The following MACF1 variants were observed in gnomAD, a reference collection of about 807,000 sequenced individuals.
The protein encoded by MACF1 is microtubule actin crosslinking factor 1, also known as microtubule-actin cross-linking factor 1.
In MACF1, 193 loss-of-function variants were observed where a neutral mutation model predicts 854.8. The ratio of observed to expected loss-of-function variants is 0.23; its 90% CI spans 0.20 to 0.25. The LOEUF is 0.25. Ranked by LOEUF, MACF1 falls within the 10% of genes least tolerant of loss-of-function variation. The probability of loss-of-function intolerance (pLI) is 1.00; values close to 1 mark genes in which losing one functional copy is unlikely to be tolerated. For synonymous variants in MACF1, 3,185 were observed against 3,226.7 expected, an observed-to-expected ratio of 0.99 and a Z score of 0.44; for missense variants, 7,722 against 8,929.1, an observed-to-expected ratio of 0.86 and a Z score of 5.45.
chr1:39,425,163 T>A (rs184001177), intron 61 of MACF1, among the ~76,000 whole-genome samples: 8 of 152,356 alleles, frequency 5.3e-5, no homozygotes, highest in Non-Finnish European at 8.8e-5. Context: ...TTTCTTTTTT[T>A]AATTTCTCCT....
intron 29 of MACF1, 28 bp from the exon 30 acceptor site, chr1:39,318,425 T>C: frequency 1.2e-6 from 2 of 1,605,830 alleles, no homozygotes; most frequent in Non-Finnish European, 1.7e-6. Flanking sequence ...CCAAGGTATC[T>C]GATAGCAGTT....
At position 39,458,485 on chromosome 1, in the gene MACF1, G is replaced by T; in HGVS notation, c.21191G>T (p.Gly7064Val). Residue 7064 changes from glycine (G) to valine (V), a missense_variant, in exon 90 of 101, where the codon GGA becomes GTA. By Grantham distance (109) the Gly-to-Val change is moderately radical. Transcript: ENST00000564288. ...CCTTTCATAGAGAAATCCCGCAGCG[G>T]AGGCAGTATGTTTCCAGCCCCCTGT... ...HAPFIEKSRS[G>V]GRKSLSQPTP... 1.2e-6 allele frequency: 2 copies of T among 1,613,138 alleles called. No individual in the cohort carries two copies. The highest frequency in any genetic ancestry group is 2.2e-5 in the South Asian group (2 of 90,964).
chr1:39,458,060 T>C (rs41270821), intron 89 of MACF1: 36,090 of 219,632 alleles, frequency 0.16, 3,664 homozygotes, highest in Non-Finnish European at 0.21. Context: ...AGTTCTCATG[T>C]GAACTAACAG....
Position 39,448,712 on chromosome 1 carries a change from TAGG to T in MACF1, c.20210_20212del (p.Gly6737del). 1 of 1,613,460 alleles carries T rather than the reference TAGG, an allele frequency of 6.2e-7. No individual in the cohort carries two copies. The highest frequency in any genetic ancestry group is 8.5e-7 in the Non-Finnish European group (1 of 1,179,594). ...GATAGTCAGAAACTTGACAATTTCCTAGGAGAAGTCAGAGACAAATGGGATACT... is the reference window on the plus strand; with the variant it reads ...GATAGTCAGAAACTTGACAATTTCCTAGAAGTCAGAGACAAATGGGATACT... On this transcript the variant is annotated inframe_deletion, in exon 84 of 101. Transcript: ENST00000564288.
intron 58 of MACF1, among the ~76,000 whole-genome samples, chr1:39,396,275 G>A (rs1242233554): frequency 6.7e-6 from 1 of 149,062 alleles, no homozygotes; most frequent in African/African-American, 2.5e-5. Flanking sequence ...AGCCGACATC[G>A]CGCCACTGCA....
intron 23 of MACF1, among the ~76,000 whole-genome samples, chr1:39,306,216 G>A (rs1028132095): frequency 8.6e-5 from 13 of 151,274 alleles, no homozygotes; most frequent in African/African-American, 2.9e-4. Context: ...CTGGAGTGCA[G>A]TGGTGCAATC....
In MACF1 at chr1:39,448,106, T is replaced by C. The variant is rs201641483; in HGVS notation, c.20042T>C (p.Ile6681Thr). 6.2e-7 allele frequency: 1 copy of C among 1,614,148 alleles called. No individual in the cohort carries two copies. Among genetic ancestry groups the C allele is most frequent in the Non-Finnish European group, 8.5e-7 (1 of 1,180,000 alleles). Residue 6681 changes from isoleucine to threonine, a missense_variant, in exon 83 of 101, where the codon ATA becomes ACA. This residue lies in a region of MACF1 where 729 missense variants were observed against 900.5 expected (regional missense o/e 0.81). Transcript: ENST00000564288. ...AGTCACCTGGACTCAGAACTAGAGA[T>C]ATCCAATGACCCAGACAAAATTAAA... is the stretch of plus-strand genomic sequence containing the variant. ...AESHLDSELE[I>T]SNDPDKIKLQ...
At position 39,442,425 on chromosome 1, in the gene MACF1, G is replaced by A. The variant is rs1484121554; in HGVS notation, c.18962G>A (p.Gly6321Glu). 1 of 1,613,774 alleles carries A rather than the reference G, an allele frequency of 6.2e-7. No individual in the cohort carries two copies. Among genetic ancestry groups the A allele is most frequent in the African/African-American group, 1.3e-5 (1 of 74,980 alleles). The change falls in exon 77 of 101, where the codon GGG becomes GAG. Residue 6321 changes from glycine to glutamate, a missense_variant. Physicochemically the swap from Gly to Glu is moderately conservative, Grantham distance 98. Transcript: ENST00000564288. The stretch of plus-strand genomic sequence containing the variant: ...TTTCCTGAGTAGCACAAACTAGAAG[G>A]GGCTCTGTTGGCCCTTGGTCAGTTC... ...KIAHRQHKLE[G>E]ALLALGQFQH...
At chr1:39,260,367 CTTT>C (rs772459109) in intron 6 of MACF1, 3 of 139,882 alleles carry the variant, frequency 2.1e-5, no homozygotes, top group Non-Finnish European at 4.7e-5. Flanking sequence ...TTTTTCTTTT[CTTT>C]TTTTTTTTTT....
At chr1:39,343,849 C>CTCACA (rs1204763630) in intron 40 of MACF1, among the ~76,000 whole-genome samples, 1 of 152,224 alleles carries the variant, frequency 6.6e-6, no homozygotes, top group Non-Finnish European at 1.5e-5. Context: ...GGCACGGTGG[C>CTCACA]TCACGCCTGT....
chr1:39,320,168 C>T (rs930527000), intron 31 of MACF1, among the ~76,000 whole-genome samples: 1 of 152,158 alleles, frequency 6.6e-6, no homozygotes. Context: ...CTCTTGTCTT[C>T]AAACATGTCC....
chr1:39,240,326 C>T (rs3120279), intron 2 of MACF1, among the ~76,000 whole-genome samples: 9,148 of 152,198 alleles, frequency 0.06, 345 homozygotes, highest in African/African-American at 0.11. Context: ...CTACATGTGA[C>T]TATATGGTAG....
chr1:39,226,711 A>C, intron 1 of MACF1, among the ~76,000 whole-genome samples: 1 of 152,196 alleles, frequency 6.6e-6, no homozygotes, highest in East Asian at 1.9e-4. Flanking sequence ...CAGTGGACTA[A>C]AAGGAAACCG....
At chr1:39,392,205 G>T (rs1025026716) in intron 58 of MACF1, among the ~76,000 whole-genome samples, 2 of 152,162 alleles carry the variant, frequency 1.3e-5, no homozygotes, top group Non-Finnish European at 2.9e-5. Flanking sequence ...CTGAACTCAT[G>T]CTGAGCTCAT....
At chr1:39,337,871 G>A (rs1254785422) in intron 38 of MACF1, among the ~76,000 whole-genome samples, 3 of 151,704 alleles carry the variant, frequency 2.0e-5, no homozygotes, top group African/African-American at 7.3e-5. Context: ...CCGGGTTTCC[G>A]CCATTCTCCT....
chr1:39,456,826 C>G (rs895291276), intron 89 of MACF1: 1 of 152,334 alleles, frequency 6.6e-6, no homozygotes, highest in East Asian at 1.9e-4. Flanking sequence ...TGACACTGTT[C>G]TGGTCACATT....
chr1:39,449,235 A>G (rs986181546), intron 84 of MACF1, among the ~76,000 whole-genome samples: 1 of 152,130 alleles, frequency 6.6e-6, no homozygotes, highest in African/African-American at 2.4e-5. Context: ...CAGATGAGAA[A>G]ATGACCATAA....
Position 39,422,779 on chromosome 1 carries a change from A to C in MACF1, c.16028A>C (p.Lys5343Thr). ...CAGGAAGCTTTGTTGCATTGTGGGAAGTTTCAAGATGCCTTGGAGCCATTG... is the reference window on the plus strand; with the variant it reads ...CAGGAAGCTTTGTTGCATTGTGGGACGTTTCAAGATGCCTTGGAGCCATTG... Reference protein sequence around the residue: ...QLQEALLHCGKFQDALEPLLS... With the variant: ...QLQEALLHCGTFQDALEPLLS... Residue 5343 changes from lysine to threonine, a missense_variant, in exon 60 of 101, where the codon AAG (lysine) becomes ACG (threonine). Coordinates refer to ENST00000564288, the MANE Select transcript of MACF1 (RefSeq NM_001394062.1). 1 of 1,614,244 alleles carries C rather than the reference A, an allele frequency of 6.2e-7. No homozygotes were observed.
chr1:39,404,583 T>C (rs1642619208), intron 58 of MACF1, among the ~76,000 whole-genome samples: 1 of 152,192 alleles, frequency 6.6e-6, no homozygotes, highest in Admixed American at 6.5e-5. Context: ...CTTGAACTCC[T>C]GGGCTGAACG....
Sources: allele counts gnomAD v4.1 joint callset (sites outside exome capture counted in the v4.1 genomes callset), GRCh38; gene constraint gnomAD v4.1.1; regional missense constraint gnomAD v4.1.1; transcripts MANE v1.5; gene names NCBI Gene and HGNC (gene_info 2026-07-23, HGNC 2026-07-21).